The following SORCS3 variants were observed in gnomAD, a reference collection of about 807,000 sequenced individuals.
SORCS3 encodes the protein VPS10 domain-containing receptor SorCS3.
In SORCS3, 57 loss-of-function variants were observed where a neutral mutation model predicts 146.3. The ratio of observed to expected loss-of-function variants is 0.39; its 90% CI spans 0.31 to 0.49. SORCS3 has a LOEUF of 0.49. Among genes scored for constraint, SORCS3 ranks in the 20% least tolerant of loss-of-function variants. SORCS3 has a pLI of 0.92. For missense variants in SORCS3, 1,341 were observed against 1,575.5 expected (o/e 0.85, Z 2.52); for synonymous variants, 653 against 618.5 (o/e 1.06, Z -0.83).
chr10:105,150,884 T>C (rs560246624), intron 9 of SORCS3, among the ~76,000 whole-genome samples: 8 of 152,326 alleles, frequency 5.3e-5, no homozygotes, highest in Admixed American at 4.6e-4. Flanking sequence ...ACTGTGATTA[T>C]GTACCATACG....
chr10:105,228,750 ATGTTT>A (rs1317983325), intron 20 of SORCS3, among the ~76,000 whole-genome samples: 12 of 152,076 alleles, frequency 7.9e-5, no homozygotes, highest in African/African-American at 2.9e-4. Context: ...AAGTCACTAG[ATGTTT>A]TCCTTTGCCT....
At chr10:104,736,545 G>A (rs1024187698) in intron 1 of SORCS3, among the ~76,000 whole-genome samples, 7 of 152,112 alleles carry the variant, frequency 4.6e-5, no homozygotes, top group African/African-American at 9.7e-5. Context: ...GAATTTAACC[G>A]TCATGGTTTT....
intron 2 of SORCS3, among the ~76,000 whole-genome samples, chr10:104,908,915 C>G (rs117856040): frequency 0.013 from 2,030 of 152,220 alleles, 20 homozygotes; most frequent in Non-Finnish European, 0.021. Flanking sequence ...CAGACAGAGG[C>G]AGATGTTTGA....
chr10:104,720,316 T>C (rs2133444401), intron 1 of SORCS3, among the ~76,000 whole-genome samples: 1 of 152,362 alleles, frequency 6.6e-6, no homozygotes, highest in African/African-American at 2.4e-5. Flanking sequence ...TCATCATTTT[T>C]TATGGCTGCA....
At chr10:104,931,696 G>T (rs1308757659) in intron 3 of SORCS3, among the ~76,000 whole-genome samples, 1 of 152,222 alleles carries the variant, frequency 6.6e-6, no homozygotes, top group East Asian at 1.9e-4. Context: ...TGTAAGACAG[G>T]CCTGAGAATA....
intron 2 of SORCS3, among the ~76,000 whole-genome samples, chr10:104,872,877 T>C (rs1028560548): frequency 6.6e-6 from 1 of 152,226 alleles, no homozygotes; most frequent in Non-Finnish European, 1.5e-5. Context: ...GAAGGAAAAT[T>C]GTGTTATGTG....
chr10:104,708,698 T>C (rs1028677210), intron 1 of SORCS3, among the ~76,000 whole-genome samples: 1 of 152,054 alleles, frequency 6.6e-6, no homozygotes, highest in Admixed American at 6.5e-5. Flanking sequence ...CCATCATCAG[T>C]TTTTTGGCCT....
chr10:104,916,850 G>C (rs887407157), intron 3 of SORCS3, among the ~76,000 whole-genome samples: 2 of 152,092 alleles, frequency 1.3e-5, no homozygotes, highest in African/African-American at 2.4e-5. Flanking sequence ...CTTCCTCAAG[G>C]TAAGCTCAGG....
intron 6 of SORCS3, among the ~76,000 whole-genome samples, chr10:105,097,443 TACTC>T (rs2055754209): frequency 6.6e-6 from 1 of 152,118 alleles, no homozygotes; most frequent in African/African-American, 2.4e-5. Context: ...CTGACACAGT[TACTC>T]AGTCACAGAC....
At chr10:105,091,285 TTCCTTCCTTCCTTCCC>T (rs1465214359) in intron 6 of SORCS3, among the ~76,000 whole-genome samples, 558 of 36,838 alleles carry the variant, frequency 0.015, 27 homozygotes, top group Non-Finnish European at 0.027. Context: ...CCTTCCTTGC[TTCCTTCCTTCCTTCCC>T]TCCTTCCTTC....
At chr10:105,227,938 C>T (rs542759934) in intron 20 of SORCS3, among the ~76,000 whole-genome samples, 56 of 148,992 alleles carry the variant, frequency 3.8e-4, no homozygotes, top group African/African-American at 1.3e-3. Context: ...CTGTATATGT[C>T]ATGACAGGTG....
chr10:104,701,764 G>A (rs748311626), intron 1 of SORCS3, among the ~76,000 whole-genome samples: 6 of 152,186 alleles, frequency 3.9e-5, no homozygotes, highest in Non-Finnish European at 8.8e-5. Context: ...TTATTGACAA[G>A]AGGCTTCTAA....
chr10:105,102,366 A>G (rs1377929012), intron 6 of SORCS3, among the ~76,000 whole-genome samples: 1 of 152,212 alleles, frequency 6.6e-6, no homozygotes, highest in East Asian at 1.9e-4. Flanking sequence ...GAATGAGATC[A>G]TGTCCTTTGC....
intron 14 of SORCS3, among the ~76,000 whole-genome samples, chr10:105,191,667 G>T (rs534557001): frequency 6.6e-6 from 1 of 152,138 alleles, no homozygotes; most frequent in East Asian, 1.9e-4. Flanking sequence ...GTGCAGGTGG[G>T]GGGTGTTGAT....
intron 5 of SORCS3, among the ~76,000 whole-genome samples, chr10:105,051,440 CCTAT>C (rs1180422882): frequency 1.3e-5 from 2 of 152,034 alleles, no homozygotes; most frequent in Non-Finnish European, 2.9e-5. Flanking sequence ...TGGAATATAT[CCTAT>C]AATTTGCTTC....
chr10:104,679,699 G>A (rs1240015162), intron 1 of SORCS3, among the ~76,000 whole-genome samples: 4 of 152,156 alleles, frequency 2.6e-5, no homozygotes, highest in Non-Finnish European at 1.5e-5. Flanking sequence ...TCTCTTTCCT[G>A]CAGAGTCCTT....
At chr10:105,011,571 G>A (rs2133681407) in intron 4 of SORCS3, among the ~76,000 whole-genome samples, 1 of 152,128 alleles carries the variant, frequency 6.6e-6, no homozygotes, top group Admixed American at 6.5e-5. Context: ...TAATTGCGTG[G>A]CTCCTATTGC....
chr10:104,672,244 A>G (rs1053022054), intron 1 of SORCS3, among the ~76,000 whole-genome samples: 3 of 152,146 alleles, frequency 2.0e-5, no homozygotes, highest in Middle Eastern at 3.4e-3. Flanking sequence ...AAGTTTTCCA[A>G]TTTGTTGGCA....
chr10:105,226,667 C>T (rs537636711), intron 20 of SORCS3, among the ~76,000 whole-genome samples: 1 of 152,042 alleles, frequency 6.6e-6, no homozygotes, highest in Non-Finnish European at 1.5e-5. Context: ...TAGAATTCAG[C>T]AGTGAAGCCA....
Sources: gnomAD v4.1 joint callset for allele counts (sites outside exome capture counted in the v4.1 genomes callset) on GRCh38, gnomAD v4.1.1 for gene constraint, MANE v1.5 for transcripts, NCBI Gene and HGNC (gene_info 2026-07-23, HGNC 2026-07-21) for gene names.